Variants in SDK1 observed in about 807,000 individuals in gnomAD.
SDK1 encodes protein sidekick-1.
SDK1 carries 157 observed loss-of-function variants against 245.5 expected under a neutral mutation model. The ratio of observed to expected loss-of-function variants is 0.64; its 90% CI spans 0.56 to 0.73. SDK1 has a LOEUF of 0.73. Ranked by LOEUF, SDK1 falls within the 30% of genes least tolerant of loss-of-function variation. The pLI is 0.00. For synonymous variants in SDK1, 1,647 were observed against 1,278.5 expected (o/e 1.29, Z -6.15); for missense variants, 3,583 against 3,002.3 (o/e 1.19, Z -4.52).
intron 30 of SDK1, among the ~76,000 whole-genome samples, chr7:4,151,214 G>A (rs906086725): frequency 6.6e-6 from 1 of 152,132 alleles, no homozygotes; most frequent in Non-Finnish European, 1.5e-5. Context: ...GCCCCCATTG[G>A]AGACCACAGA....
chr7:3,789,264 C>T (rs187872399), intron 4 of SDK1, among the ~76,000 whole-genome samples: 7 of 152,296 alleles, frequency 4.6e-5, no homozygotes, highest in Admixed American at 3.9e-4. Flanking sequence ...TCTCCTGCCT[C>T]AGCCTCCCAA....
chr7:3,991,932 T>C (rs1424598417), intron 14 of SDK1, among the ~76,000 whole-genome samples: 2 of 152,244 alleles, frequency 1.3e-5, no homozygotes, highest in African/African-American at 4.8e-5. Flanking sequence ...TGCTGGCTAA[T>C]TAGAGCCAGA....
intron 44 of SDK1, among the ~76,000 whole-genome samples, chr7:4,254,691 A>G (rs1562485143): frequency 6.9e-6 from 1 of 145,694 alleles, no homozygotes; most frequent in East Asian, 2.0e-4. Context: ...AAAACAGATC[A>G]TTTTTGGTCA....
At chr7:3,591,645 C>T (rs891308287) in intron 1 of SDK1, among the ~76,000 whole-genome samples, 3 of 152,146 alleles carry the variant, frequency 2.0e-5, no homozygotes, top group African/African-American at 7.2e-5. Flanking sequence ...GTCTGCTGTA[C>T]GTTGATGGGT....
intron 4 of SDK1, among the ~76,000 whole-genome samples, chr7:3,734,640 C>G (rs181467745): frequency 6.6e-6 from 1 of 152,254 alleles, no homozygotes; most frequent in East Asian, 1.9e-4. Flanking sequence ...ATGAAATAAC[C>G]ATTAATTAAA....
chr7:4,198,432 C>T (rs1271532173), intron 35 of SDK1, among the ~76,000 whole-genome samples: 2 of 152,360 alleles, frequency 1.3e-5, no homozygotes, highest in East Asian at 3.9e-4. Context: ...CCAGTCAAGG[C>T]CTCTGCTCTC....
chr7:4,073,438 T>C (rs962505315), intron 20 of SDK1, among the ~76,000 whole-genome samples: 1 of 152,258 alleles, frequency 6.6e-6, no homozygotes, highest in Non-Finnish European at 1.5e-5. Context: ...TTATCAATGT[T>C]GATCCTAATA....
At chr7:4,252,763 G>C (rs1257996634) in intron 44 of SDK1, among the ~76,000 whole-genome samples, 2 of 150,932 alleles carry the variant, frequency 1.3e-5, no homozygotes, top group East Asian at 3.9e-4. Context: ...TCGGGCTTTT[G>C]TGTGTGGGAA....
At chr7:3,715,197 A>G (rs746779564) in intron 4 of SDK1, among the ~76,000 whole-genome samples, 60 of 152,170 alleles carry the variant, frequency 3.9e-4, no homozygotes, top group Non-Finnish European at 6.0e-4. Context: ...AATATACTAG[A>G]TCGTCATAAA....
At chr7:3,556,367 A>G (rs181344040) in intron 1 of SDK1, among the ~76,000 whole-genome samples, 357 of 152,282 alleles carry the variant, frequency 2.3e-3, no homozygotes, top group Non-Finnish European at 3.6e-3. Context: ...AATTGAACTC[A>G]TGGAGATAAA....
intron 1 of SDK1, among the ~76,000 whole-genome samples, chr7:3,411,317 G>GT (rs1308541794): frequency 6.6e-6 from 1 of 152,196 alleles, no homozygotes; most frequent in African/African-American, 2.4e-5. Flanking sequence ...AGAAAAGGCA[G>GT]TTGGAGTCAC....
intron 1 of SDK1, among the ~76,000 whole-genome samples, chr7:3,354,630 C>T (rs1456260790): frequency 6.6e-6 from 1 of 152,100 alleles, no homozygotes; most frequent in East Asian, 1.9e-4. Flanking sequence ...ATCAAAGCTA[C>T]CCATTTATTA....
At chr7:3,559,101 T>C (rs1056702841) in intron 1 of SDK1, among the ~76,000 whole-genome samples, 3 of 152,206 alleles carry the variant, frequency 2.0e-5, no homozygotes, top group African/African-American at 7.2e-5. Flanking sequence ...TGACTGAAAT[T>C]ACTTTCCTTG....
chr7:3,859,029 A>AT (rs11464570), intron 5 of SDK1, among the ~76,000 whole-genome samples: 7,894 of 150,910 alleles, frequency 0.052, 677 homozygotes, highest in African/African-American at 0.18. Context: ...TGCCCGGCTA[A>AT]TTTTTTGTAT....
intron 5 of SDK1, among the ~76,000 whole-genome samples, chr7:3,871,065 C>G (rs1780943945): frequency 6.6e-6 from 1 of 152,154 alleles, no homozygotes; most frequent in African/African-American, 2.4e-5. Flanking sequence ...TTTCGGTCAT[C>G]TGATCTTTTT....
chr7:3,734,563 A>G (rs1431579533), intron 4 of SDK1, among the ~76,000 whole-genome samples: 9 of 152,260 alleles, frequency 5.9e-5, no homozygotes, highest in Non-Finnish European at 1.5e-5. Context: ...TTACAAGTTC[A>G]AGATACTATC....
At chr7:3,758,009 T>C (rs1348110153) in intron 4 of SDK1, among the ~76,000 whole-genome samples, 4 of 152,190 alleles carry the variant, frequency 2.6e-5, no homozygotes, top group African/African-American at 9.7e-5. Context: ...TGCCAGGAAC[T>C]GGGCACAAAG....
intron 4 of SDK1, among the ~76,000 whole-genome samples, chr7:3,672,755 A>AT (rs1316818512): frequency 2.5e-5 from 2 of 80,168 alleles, no homozygotes; most frequent in Non-Finnish European, 2.3e-5. Context: ...TATAATATAT[A>AT]ATTTTATATA....
intron 4 of SDK1, among the ~76,000 whole-genome samples, chr7:3,682,087 C>T (rs1784116905): frequency 1.3e-5 from 2 of 152,202 alleles, no homozygotes; most frequent in Admixed American, 1.3e-4. Flanking sequence ...TTTGAAGTAT[C>T]TGCCTGTCAG....
Sources: allele counts gnomAD v4.1 joint callset (sites outside exome capture counted in the v4.1 genomes callset), GRCh38; gene constraint gnomAD v4.1.1; transcripts MANE v1.5; gene names NCBI Gene and HGNC (gene_info 2026-07-23, HGNC 2026-07-21).